The following DCTD variants were observed in gnomAD, a reference collection of about 807,000 sequenced individuals.
The protein encoded by DCTD is deoxycytidylate deaminase.
A neutral mutation model predicts 21.0 loss-of-function variants in DCTD; 23 were observed. The observed-to-expected ratio is 1.09, with a 90% CI of 0.79 to 1.55. The LOEUF (loss-of-function observed/expected upper bound fraction) is 1.55, where lower values mean the gene tolerates loss of function less well. DCTD is among the 40% of genes most tolerant of loss of function. The probability of loss-of-function intolerance (pLI) is 0.00; values close to 1 mark genes in which losing one functional copy is unlikely to be tolerated. For missense variants in DCTD, 224 were observed against 230.0 expected (o/e 0.97, Z 0.17); for synonymous variants, 71 against 81.1 (o/e 0.88, Z 0.67).
intron 5 of DCTD, among the ~76,000 whole-genome samples, chr4:182,892,533 G>A (rs1733961155): frequency 6.6e-6 from 1 of 152,080 alleles, no homozygotes. Flanking sequence ...GGAGGCTGAG[G>A]CAGGAGAACC....
intron 1 of DCTD, chr4:182,916,407 C>A: frequency 1.0e-6 from 1 of 985,518 alleles, no homozygotes; most frequent in Non-Finnish European, 1.2e-6. Flanking sequence ...AACACAAAAA[C>A]GGGGTGGGTA....
chr4:182,911,508 A>C (rs1737672509), intron 3 of DCTD: 1 of 151,130 alleles, frequency 6.6e-6, no homozygotes, highest in African/African-American at 2.4e-5. Flanking sequence ...GATCAACTGC[A>C]AAAAAAAATG....
intron 3 of DCTD, among the ~76,000 whole-genome samples, chr4:182,907,913 C>A (rs958314553): frequency 6.6e-6 from 1 of 152,124 alleles, no homozygotes; most frequent in Admixed American, 6.5e-5. Flanking sequence ...AAACCTGGAA[C>A]CCTTGGCTCC....
intron 4 of DCTD, among the ~76,000 whole-genome samples, 168 bp downstream of exon 4, chr4:182,894,321 A>C (rs1157707508): frequency 6.6e-6 from 1 of 152,264 alleles, no homozygotes; most frequent in Non-Finnish European, 1.5e-5. Context: ...TTAGTCTTAG[A>C]ATACCTGGCA....
At chr4:182,892,742 A>T (rs540362338) in intron 5 of DCTD, among the ~76,000 whole-genome samples, 1 of 152,354 alleles carries the variant, frequency 6.6e-6, no homozygotes, top group South Asian at 2.1e-4. Context: ...CATTCCTATT[A>T]TAAAACTTGT....
intron 3 of DCTD, among the ~76,000 whole-genome samples, chr4:182,899,280 G>C (rs1735281430): frequency 6.6e-6 from 1 of 152,060 alleles, no homozygotes; most frequent in South Asian, 2.1e-4. Context: ...CCATACACTT[G>C]TGTTCTCTTT....
At chr4:182,903,934 A>G (rs1736198530) in intron 3 of DCTD, among the ~76,000 whole-genome samples, 1 of 152,222 alleles carries the variant, frequency 6.6e-6, no homozygotes, top group African/African-American at 2.4e-5. Flanking sequence ...ACATCTGTCA[A>G]GAGCACAGCA....
chr4:182,898,102 T>C (rs982964556), intron 3 of DCTD, among the ~76,000 whole-genome samples: 4 of 152,210 alleles, frequency 2.6e-5, no homozygotes, highest in African/African-American at 9.7e-5. Flanking sequence ...AGAGTAAAGT[T>C]TGGGGATTCA....
chr4:182,901,811 A>AT (rs563115868), intron 3 of DCTD, among the ~76,000 whole-genome samples: 25 of 150,256 alleles, frequency 1.7e-4, no homozygotes, highest in African/African-American at 5.6e-4. Context: ...AATTTACAGG[A>AT]TTTTCTACTT....
chr4:182,913,335 C>T (rs138422501), intron 3 of DCTD, among the ~76,000 whole-genome samples: 1 of 152,286 alleles, frequency 6.6e-6, no homozygotes, highest in Non-Finnish European at 1.5e-5. Context: ...GGATTCGGTC[C>T]CCTTCATCCC....
chr4:182,910,108 T>C (rs908380987), intron 3 of DCTD, among the ~76,000 whole-genome samples: 1 of 152,144 alleles, frequency 6.6e-6, no homozygotes, highest in African/African-American at 2.4e-5. Flanking sequence ...ACTGAGATGC[T>C]ACGGTTCCCT....
chr4:182,901,693 C>A (rs1735775319), intron 3 of DCTD, among the ~76,000 whole-genome samples: 1 of 152,006 alleles, frequency 6.6e-6, no homozygotes, highest in South Asian at 2.1e-4. Context: ...AAGCATCACC[C>A]TCTATTATTT....
chr4:182,896,356 A>T (rs769300571), intron 3 of DCTD, among the ~76,000 whole-genome samples: 15 of 152,230 alleles, frequency 9.9e-5, no homozygotes, highest in Non-Finnish European at 1.6e-4. Context: ...CTCTCTCAGG[A>T]AATGTTAGGA....
chr4:182,901,419 A>G (rs914154264), intron 3 of DCTD, among the ~76,000 whole-genome samples: 3 of 152,210 alleles, frequency 2.0e-5, no homozygotes, highest in African/African-American at 4.8e-5. Context: ...TCCTTAAAGA[A>G]AACGATGTCC....
rs983841281 is a variant in DCTD at position 182,890,823 on chromosome 4, A to C, written c.*576T>G. On this transcript the variant is annotated 3_prime_UTR_variant, in exon 6 of 6. Coordinates refer to ENST00000438320, the MANE Select transcript of DCTD (RefSeq NM_001921.3). ...GGTTCAGTTACACTCCTCGTCTGTCAGGACAGATGTGCCACCCTATCTCGG... is the reference window on the plus strand; with the variant it reads ...GGTTCAGTTACACTCCTCGTCTGTCCGGACAGATGTGCCACCCTATCTCGG... 6.6e-6 allele frequency: 1 copy of C among 152,662 alleles called. No individual in the cohort carries two copies. The highest frequency in any genetic ancestry group is 2.4e-5 in the African/African-American group (1 of 41,478). 9.5% of individuals were successfully genotyped at this position (152,662 alleles called of 1,614,324 possible). A position where few individuals can be genotyped will look rare whatever the true frequency, so the allele number is the denominator to read the frequency against.
chr4:182,897,034 T>G (rs568938044), intron 3 of DCTD, among the ~76,000 whole-genome samples: 2 of 152,202 alleles, frequency 1.3e-5, no homozygotes, highest in African/African-American at 4.8e-5. Flanking sequence ...TGAAACACTA[T>G]GATAGCGTCC....
intron 3 of DCTD, among the ~76,000 whole-genome samples, chr4:182,912,170 T>C (rs2152863604): frequency 6.6e-6 from 1 of 152,086 alleles, no homozygotes; most frequent in Admixed American, 6.5e-5. Context: ...AAAAAGACTT[T>C]GCATTTGAGT....
chr4:182,917,229 G>C lies in DCTD; in HGVS notation c.-8+82C>G, dbSNP rs1377884628. The C allele has an allele frequency of 1.0e-6, 1 of 998,428 alleles. No individual in the cohort carries two copies. Among genetic ancestry groups the C allele is most frequent in the Non-Finnish European group, 1.2e-6 (1 of 839,698 alleles). 61.8% of individuals were successfully genotyped at this position (998,428 alleles called of 1,614,324 possible). The stretch of plus-strand genomic sequence containing the variant: ...GCCCCCGCCCGGCAGCCAGCGCCCC[G>C]CGCCACGCGCTCGGGACGGTGCCAC... On this transcript the variant is annotated intron_variant, in intron 1 of 5. Transcript: ENST00000438320. The surrounding 1 kb of genome is among the most constrained non-coding windows in gnomAD (Gnocchi z 4.9).
chr4:182,898,774 T>C (rs73002915), intron 3 of DCTD, among the ~76,000 whole-genome samples: 3,759 of 152,290 alleles, frequency 0.025, 130 homozygotes, highest in African/African-American at 0.085. Context: ...CTATCTACAA[T>C]TGTTACTATA....
Sources: gnomAD v4.1 joint callset for allele counts (sites outside exome capture counted in the v4.1 genomes callset) on GRCh38, gnomAD v4.1.1 for gene constraint, Gnocchi (gnomAD v3.1) non-coding constraint, MANE v1.5 for transcripts, NCBI Gene and HGNC (gene_info 2026-07-23, HGNC 2026-07-21) for gene names.